The following MARCHF1 variants were observed in gnomAD, a reference collection of about 807,000 sequenced individuals.
MARCHF1 encodes E3 ubiquitin-protein ligase MARCHF1.
MARCHF1 carries 40 observed loss-of-function variants against 54.2 expected under a neutral mutation model. That is an observed-to-expected ratio of 0.74 (90% CI 0.57 to 0.96). The LOEUF (loss-of-function observed/expected upper bound fraction) is 0.96, where lower values mean the gene tolerates loss of function less well. MARCHF1 is among the 40% of genes least tolerant of loss of function. The pLI, the probability that MARCHF1 is intolerant of heterozygous loss-of-function variation, is 0.00. For missense variants in MARCHF1, 586 were observed against 656.5 expected, an observed-to-expected ratio of 0.89 and a Z score of 1.17; for synonymous variants, 236 against 236.3, an observed-to-expected ratio of 1.00 and a Z score of 0.01.
intron 5 of MARCHF1, among the ~76,000 whole-genome samples, chr4:163,615,077 G>A (rs932026971): frequency 1.3e-5 from 2 of 152,002 alleles, no homozygotes; most frequent in Non-Finnish European, 2.9e-5. Context: ...ACTATAAGAC[G>A]ACAAAGCCCC....
chr4:163,975,257 ACT>A (rs1364293973), intron 3 of MARCHF1, among the ~76,000 whole-genome samples: 2 of 150,816 alleles, frequency 1.3e-5, no homozygotes, highest in Non-Finnish European at 2.9e-5. Flanking sequence ...TTTCTTGACA[ACT>A]CTGACTAATG....
chr4:163,746,900 G>A (rs962695620), intron 4 of MARCHF1, among the ~76,000 whole-genome samples: 4 of 152,106 alleles, frequency 2.6e-5, no homozygotes, highest in African/African-American at 9.7e-5. Context: ...TTTCTCAGAG[G>A]CTAAAAACTA....
In MARCHF1 at chr4:163,524,847, A is replaced by G. The variant is rs1034773070; in HGVS notation, c.*3901T>C. 3 of 152,188 alleles carry G rather than the reference A, an allele frequency of 2.0e-5. No individual in the cohort carries two copies. The highest frequency in any genetic ancestry group is 7.2e-5 in the African/African-American group (3 of 41,452). The allele number at this position is 152,188 out of a possible 1,614,324, so 9.4% of individuals were successfully genotyped here. A position where few individuals can be genotyped will look rare whatever the true frequency, so the allele number is the denominator to read the frequency against. ...AATGCAAGAGAATTATGTAAAACCA[A>G]AATAGTACAAATGCCTAATTTCAAA... On this transcript the variant is annotated 3_prime_UTR_variant, in exon 10 of 10. Coordinates refer to ENST00000514618, the MANE Select transcript of MARCHF1 (RefSeq NM_001394959.1).
At chr4:164,283,274 T>C (rs893716236) in intron 1 of MARCHF1, among the ~76,000 whole-genome samples, 1 of 150,948 alleles carries the variant, frequency 6.6e-6, no homozygotes, top group Admixed American at 6.7e-5. Flanking sequence ...ACAAGCCTAC[T>C]TCTCCTCTTT....
At chr4:164,141,971 G>T (rs1054696142) in intron 1 of MARCHF1, among the ~76,000 whole-genome samples, 1 of 121,332 alleles carries the variant, frequency 8.2e-6, no homozygotes, top group Non-Finnish European at 1.6e-5. Context: ...GGCGCACCGT[G>T]AGCGAGCCAA....
At chr4:164,266,178 T>C (rs1272404480) in intron 1 of MARCHF1, among the ~76,000 whole-genome samples, 1 of 152,220 alleles carries the variant, frequency 6.6e-6, no homozygotes, top group East Asian at 1.9e-4. Flanking sequence ...GTATGTCACG[T>C]AGGTAATTTA....
intron 4 of MARCHF1, among the ~76,000 whole-genome samples, chr4:163,749,832 C>T (rs150014968): frequency 9.2e-5 from 14 of 151,958 alleles, no homozygotes; most frequent in African/African-American, 2.9e-4. Flanking sequence ...GAGGCCGAGG[C>T]AGGCAGATCA....
chr4:164,322,703 T>C (rs1266987091), intron 1 of MARCHF1, among the ~76,000 whole-genome samples: 4 of 151,996 alleles, frequency 2.6e-5, no homozygotes, highest in Non-Finnish European at 5.9e-5. Flanking sequence ...ACACCTACTA[T>C]GTATTCACAA....
At chr4:163,563,191 C>G (rs1739528465) in intron 8 of MARCHF1, among the ~76,000 whole-genome samples, 1 of 152,072 alleles carries the variant, frequency 6.6e-6, no homozygotes, top group Non-Finnish European at 1.5e-5. Flanking sequence ...TCTATTTTAC[C>G]TTGAATATTA....
At position 164,094,447 on chromosome 4, in the gene MARCHF1, C is replaced by T. The variant is rs571376878; in HGVS notation, c.-248+17141G>A. ...AGAGACGCTAATCTCCAGCAAAGTC[C>T]GGAGAGAACAGAGTAAGATTTGAGC... On this transcript the variant is annotated intron_variant, in intron 2 of 9. Coordinates refer to ENST00000514618, the MANE Select transcript of MARCHF1 (RefSeq NM_001394959.1). Among the ~76,000 whole-genome samples, 14 of 152,222 alleles carry T rather than the reference C, an allele frequency of 9.2e-5. No homozygotes were observed. The South Asian group carries it at 1.7e-3, about 18-fold the overall frequency.
At chr4:163,835,244 G>T (rs1198375560) in intron 4 of MARCHF1, among the ~76,000 whole-genome samples, 1 of 151,980 alleles carries the variant, frequency 6.6e-6, no homozygotes, top group Non-Finnish European at 1.5e-5. Flanking sequence ...TACCAGGATA[G>T]CATTCTTCTT....
At chr4:164,338,046 T>C (rs1391335959) in intron 1 of MARCHF1, among the ~76,000 whole-genome samples, 2 of 152,216 alleles carry the variant, frequency 1.3e-5, no homozygotes, top group Admixed American at 6.5e-5. Flanking sequence ...TATTTAAAAA[T>C]AACTGTAGGC....
intron 3 of MARCHF1, among the ~76,000 whole-genome samples, chr4:163,945,844 G>A (rs1179721532): frequency 1.3e-5 from 2 of 152,020 alleles, no homozygotes; most frequent in African/African-American, 4.8e-5. Context: ...TACTGCCTTG[G>A]AGTGTCTAAG....
intron 5 of MARCHF1, among the ~76,000 whole-genome samples, chr4:163,667,672 T>C (rs992385057): frequency 2.0e-5 from 3 of 151,858 alleles, no homozygotes; most frequent in Admixed American, 2.0e-4. Flanking sequence ...ATTACCCAGG[T>C]TGGAGTACAG....
At chr4:163,663,444 G>T (rs1052755530) in intron 5 of MARCHF1, among the ~76,000 whole-genome samples, 3 of 151,696 alleles carry the variant, frequency 2.0e-5, no homozygotes, top group Admixed American at 2.0e-4. Flanking sequence ...CTTTTTCCTA[G>T]CACAGCTGAG....
intron 8 of MARCHF1, among the ~76,000 whole-genome samples, chr4:163,551,742 C>A (rs1739113612): frequency 1.3e-5 from 2 of 152,166 alleles, no homozygotes; most frequent in African/African-American, 4.8e-5. Flanking sequence ...TGGCTTCCCC[C>A]ATACTGTTCT....
At chr4:164,096,571 A>T (rs1053897760) in intron 2 of MARCHF1, among the ~76,000 whole-genome samples, 5 of 58,274 alleles carry the variant, frequency 8.6e-5, no homozygotes, top group Middle Eastern at 9.1e-3. Flanking sequence ...ATCTAAAATT[A>T]AAAAAAAAAT....
At chr4:164,083,368 A>G (rs1189985569) in intron 2 of MARCHF1, among the ~76,000 whole-genome samples, 1 of 152,078 alleles carries the variant, frequency 6.6e-6, no homozygotes, top group Non-Finnish European at 1.5e-5. Context: ...AAACAAATAT[A>G]TGGATGACTT....
intron 5 of MARCHF1, among the ~76,000 whole-genome samples, chr4:163,682,463 C>T (rs1472180986): frequency 6.6e-6 from 1 of 152,140 alleles, no homozygotes; most frequent in African/African-American, 2.4e-5. Flanking sequence ...GCCTAGAGGC[C>T]TGGGGGGAGA....
Sources: allele counts gnomAD v4.1 joint callset (sites outside exome capture counted in the v4.1 genomes callset), GRCh38; gene constraint gnomAD v4.1.1; transcripts MANE v1.5; gene names NCBI Gene and HGNC (gene_info 2026-07-23, HGNC 2026-07-21).